STXBP5L: variants seen among roughly 807,000 people sequenced by gnomAD.
STXBP5L encodes the protein syntaxin-binding protein 5-like.
In STXBP5L, 65 loss-of-function variants were observed where a neutral mutation model predicts 144.5. The observed-to-expected ratio is 0.45, with a 90% CI of 0.37 to 0.55. The LOEUF is 0.55. Ranked by LOEUF, STXBP5L falls within the 20% of genes least tolerant of loss-of-function variation. STXBP5L has a pLI of 0.00. For missense variants in STXBP5L, 1,298 were observed against 1,405.5 expected, an observed-to-expected ratio of 0.92 and a Z score of 1.22; for synonymous variants, 505 against 469.6, an observed-to-expected ratio of 1.08 and a Z score of -0.97.
chr3:121,274,045 C>T (rs1415306157), intron 18 of STXBP5L, among the ~76,000 whole-genome samples: 1 of 152,106 alleles, frequency 6.6e-6, no homozygotes, highest in Non-Finnish European at 1.5e-5. Context: ...TATTTTGAAT[C>T]ATTTTTCAGA....
At chr3:121,396,498 G>A (rs2046733094) in intron 22 of STXBP5L, among the ~76,000 whole-genome samples, 1 of 152,154 alleles carries the variant, frequency 6.6e-6, no homozygotes, top group African/African-American at 2.4e-5. Flanking sequence ...AGTGAAAAAA[G>A]GTGTCCACAC....
chr3:121,317,753 G>T (rs2043832805), intron 19 of STXBP5L, among the ~76,000 whole-genome samples: 1 of 152,054 alleles, frequency 6.6e-6, no homozygotes, highest in Non-Finnish European at 1.5e-5. Context: ...GTCTATTGTT[G>T]CATTTGTCAG....
chr3:120,993,680 A>G (rs1262244684), intron 3 of STXBP5L, among the ~76,000 whole-genome samples: 8 of 152,060 alleles, frequency 5.3e-5, no homozygotes, highest in Admixed American at 5.2e-4. Flanking sequence ...TTATATCCAT[A>G]TCATGCTGTT....
At chr3:121,140,034 A>T (rs916156633) in intron 7 of STXBP5L, among the ~76,000 whole-genome samples, 1 of 152,124 alleles carries the variant, frequency 6.6e-6, no homozygotes, top group African/African-American at 2.4e-5. Flanking sequence ...TGAAACACTC[A>T]TTTCTCACTA....
chr3:121,393,404 C>G (rs1298961486), intron 22 of STXBP5L, among the ~76,000 whole-genome samples: 1 of 151,910 alleles, frequency 6.6e-6, no homozygotes, highest in Admixed American at 6.6e-5. Context: ...TTGTTTATTT[C>G]TTTTTCTGTG....
At chr3:121,074,545 C>A (rs2041941938) in intron 5 of STXBP5L, among the ~76,000 whole-genome samples, 1 of 152,308 alleles carries the variant, frequency 6.6e-6, no homozygotes. Context: ...AGCAGTTCCA[C>A]CACTACATGT....
At chr3:121,239,791 T>A (rs1056536435) in intron 13 of STXBP5L, among the ~76,000 whole-genome samples, 1 of 151,432 alleles carries the variant, frequency 6.6e-6, no homozygotes, top group African/African-American at 2.4e-5. Context: ...CGCACCAGCA[T>A]GGCACATGTA....
chr3:121,357,895 A>G (rs537570065), intron 20 of STXBP5L: 15 of 152,352 alleles, frequency 9.8e-5, no homozygotes, highest in African/African-American at 2.9e-4. Flanking sequence ...CTGCTTCATA[A>G]CATCATCACT....
At chr3:121,287,377 G>A (rs1448640970) in intron 19 of STXBP5L, among the ~76,000 whole-genome samples, 1 of 152,170 alleles carries the variant, frequency 6.6e-6, no homozygotes, top group Non-Finnish European at 1.5e-5. Context: ...AACTAAAAAT[G>A]TGAGTTTAAC....
At chr3:120,956,335 C>T (rs1383995767) in intron 3 of STXBP5L, among the ~76,000 whole-genome samples, 5 of 151,870 alleles carry the variant, frequency 3.3e-5, no homozygotes, top group African/African-American at 1.2e-4. Context: ...CTCCATGTCC[C>T]TCTTCTTCTA....
At chr3:121,094,762 G>A (rs61795515) in intron 5 of STXBP5L, among the ~76,000 whole-genome samples, 6 of 152,048 alleles carry the variant, frequency 3.9e-5, no homozygotes, top group Non-Finnish European at 5.9e-5. Context: ...GGAGCATGTA[G>A]TCCATTTACA....
intron 9 of STXBP5L, among the ~76,000 whole-genome samples, chr3:121,163,761 A>G (rs1387252112): frequency 6.6e-6 from 1 of 151,674 alleles, no homozygotes; most frequent in Non-Finnish European, 1.5e-5. Flanking sequence ...AAAACGTTGA[A>G]TATATCATGT....
intron 20 of STXBP5L, among the ~76,000 whole-genome samples, chr3:121,351,281 G>C (rs999576594): frequency 6.6e-6 from 1 of 152,118 alleles, no homozygotes; most frequent in East Asian, 1.9e-4. Flanking sequence ...GCGGATATTG[G>C]TGAACAGCAA....
At chr3:121,253,627 A>ATATGTG (rs2050103990) in intron 15 of STXBP5L, among the ~76,000 whole-genome samples, 1 of 148,516 alleles carries the variant, frequency 6.7e-6, no homozygotes, top group Non-Finnish European at 1.5e-5. Flanking sequence ...ATACACATAA[A>ATATGTG]TATATATACT....
At chr3:121,309,490 A>T (rs1429025437) in intron 19 of STXBP5L, among the ~76,000 whole-genome samples, 1 of 152,170 alleles carries the variant, frequency 6.6e-6, no homozygotes, top group Non-Finnish European at 1.5e-5. Flanking sequence ...GTTACAAAAT[A>T]CATGAAGCAA....
chr3:121,139,955 A>G (rs2045426864), intron 7 of STXBP5L, among the ~76,000 whole-genome samples: 2 of 152,074 alleles, frequency 1.3e-5, no homozygotes, highest in Non-Finnish European at 2.9e-5. Context: ...AACTCACCAT[A>G]AAAAACCAAA....
At chr3:121,166,984 T>A (rs535881880) in intron 9 of STXBP5L, among the ~76,000 whole-genome samples, 14 of 8,116 alleles carry the variant, frequency 1.7e-3, no homozygotes, top group Non-Finnish European at 2.4e-3. Context: ...AAAATAAAAC[T>A]GTTCAGAAAA....
intron 3 of STXBP5L, among the ~76,000 whole-genome samples, chr3:120,989,967 G>T (rs899146172): frequency 6.6e-6 from 1 of 152,104 alleles, no homozygotes; most frequent in Non-Finnish European, 1.5e-5. Flanking sequence ...GGACAATCAG[G>T]CAGGAGAAGG....
chr3:121,143,903 T>C (rs2045610461), intron 7 of STXBP5L, among the ~76,000 whole-genome samples: 1 of 151,810 alleles, frequency 6.6e-6, no homozygotes, highest in East Asian at 1.9e-4. Context: ...GAAGAAAAGC[T>C]TCATGACGCT....
Sources: allele counts gnomAD v4.1 joint callset (sites outside exome capture counted in the v4.1 genomes callset), GRCh38; gene constraint gnomAD v4.1.1; transcripts MANE v1.5; gene names NCBI Gene and HGNC (gene_info 2026-07-23, HGNC 2026-07-21).